The following DUSP16 variants were observed in gnomAD, a reference collection of about 807,000 sequenced individuals.
DUSP16 encodes the protein dual specificity protein phosphatase 16.
In DUSP16, 21 loss-of-function variants were observed where a neutral mutation model predicts 58.3. The observed-to-expected ratio is 0.36, with a 90% CI of 0.26 to 0.52. DUSP16 has a LOEUF of 0.52. Ranked by LOEUF, DUSP16 falls within the 20% of genes least tolerant of loss-of-function variation. DUSP16 has a pLI of 0.94. For synonymous variants in DUSP16, 320 were observed against 323.8 expected, an observed-to-expected ratio of 0.99 and a Z score of 0.12; for missense variants, 726 against 819.0, an observed-to-expected ratio of 0.89 and a Z score of 1.39.
intron 1 of DUSP16, among the ~76,000 whole-genome samples, chr12:12,545,026 C>A (rs1013263480): frequency 1.1e-4 from 16 of 152,142 alleles, no homozygotes; most frequent in African/African-American, 3.6e-4. Flanking sequence ...AATCCTACAA[C>A]TTTGTTCTTC....
intron 1 of DUSP16, among the ~76,000 whole-genome samples, chr12:12,556,496 G>GA (rs1944807965): frequency 6.6e-6 from 1 of 151,974 alleles, no homozygotes; most frequent in African/African-American, 2.4e-5. Flanking sequence ...GACTGCTTGA[G>GA]CCCAGGAGTT....
chr12:12,501,351 G>C (rs1018405254), intron 3 of DUSP16, among the ~76,000 whole-genome samples: 3 of 152,276 alleles, frequency 2.0e-5, no homozygotes, highest in Middle Eastern at 3.4e-3. Flanking sequence ...GTGCAGGAAG[G>C]CTTTGTGGCA....
chr12:12,514,498 C>T (rs866643949), intron 3 of DUSP16, among the ~76,000 whole-genome samples: 2 of 152,256 alleles, frequency 1.3e-5, no homozygotes, highest in Non-Finnish European at 1.5e-5. Flanking sequence ...AGCAGTAACA[C>T]GAAAGATATT....
At chr12:12,491,676 T>C (rs1221185044) in intron 4 of DUSP16, 1 of 152,204 alleles carries the variant, frequency 6.6e-6, no homozygotes, top group Non-Finnish European at 1.5e-5. Flanking sequence ...AGATAATCCT[T>C]CTTCACTGGC....
chr12:12,501,128 A>C (rs1943903089), intron 3 of DUSP16, among the ~76,000 whole-genome samples: 1 of 152,210 alleles, frequency 6.6e-6, no homozygotes, highest in East Asian at 1.9e-4. Flanking sequence ...CGAGTCAAAA[A>C]TTCTTTCTAC....
In DUSP16 at chr12:12,476,671, TAA is replaced by T. The variant is rs981777078; in HGVS notation, c.*160_*161del. ...TAGCTGATCTCTCAAATGCAGATGT[TAA>T]GAGAGTAACAACTGGGTTGATCCAC... On this transcript the variant is annotated 3_prime_UTR_variant, in exon 7 of 7. Transcript: ENST00000298573. 4 of 611,440 alleles carry T rather than the reference TAA, an allele frequency of 6.5e-6. No homozygotes were observed. The highest frequency in any genetic ancestry group is 2.9e-5 in the East Asian group (1 of 34,684). 37.9% of individuals were successfully genotyped at this position (611,440 alleles called of 1,614,324 possible).
rs116437308 is a variant in DUSP16 at position 12,544,782 on chromosome 12, C to T, written c.-366+17335G>A. ...CTTTCGCATTGAGATCTACAATTAG[C>T]CTATAATTTATTTTTGTAAGTGATG... On this transcript the variant is annotated intron_variant, in intron 1 of 6. Coordinates refer to ENST00000298573, the MANE Select transcript of DUSP16 (RefSeq NM_030640.3). 8.9e-3 allele frequency among the ~76,000 whole-genome samples: 1,350 copies of T among 152,170 alleles called. 9 individuals carry two copies. The highest frequency in any genetic ancestry group is 0.023 in the South Asian group (113 of 4,816).
At chr12:12,546,413 A>G (rs1247978316) in intron 1 of DUSP16, among the ~76,000 whole-genome samples, 1 of 152,224 alleles carries the variant, frequency 6.6e-6, no homozygotes, top group Non-Finnish European at 1.5e-5. Flanking sequence ...TTACTGTATA[A>G]CCAAAGTTAA....
At chr12:12,540,817 T>C (rs1242455520) in intron 1 of DUSP16, among the ~76,000 whole-genome samples, 1 of 152,124 alleles carries the variant, frequency 6.6e-6, no homozygotes, top group Middle Eastern at 3.2e-3. Context: ...AGCAAACTTC[T>C]ACTAATTCTG....
chr12:12,535,230 CA>C (rs1215817727), intron 1 of DUSP16, among the ~76,000 whole-genome samples: 1 of 152,154 alleles, frequency 6.6e-6, no homozygotes, highest in East Asian at 1.9e-4. Context: ...CCTCAGCTCC[CA>C]GTAACGCTGT....
intron 3 of DUSP16, among the ~76,000 whole-genome samples, chr12:12,518,767 G>C (rs1275949774): frequency 6.6e-6 from 1 of 152,134 alleles, no homozygotes; most frequent in South Asian, 2.1e-4. Flanking sequence ...AGACAAGCTG[G>C]CTTCACTTAA....
chr12:12,523,892 G>A (rs1251677442), intron 1 of DUSP16, among the ~76,000 whole-genome samples: 1 of 152,122 alleles, frequency 6.6e-6, no homozygotes, highest in African/African-American at 2.4e-5. Context: ...TGTCCATGAG[G>A]GTACCCAGGT....
intron 3 of DUSP16, among the ~76,000 whole-genome samples, chr12:12,519,040 C>G (rs1303392296): frequency 6.6e-6 from 1 of 152,192 alleles, no homozygotes; most frequent in Non-Finnish European, 1.5e-5. Flanking sequence ...TGAATCCGCC[C>G]AACACAGCAG....
intron 3 of DUSP16, among the ~76,000 whole-genome samples, chr12:12,514,350 G>A (rs952308599): frequency 6.6e-6 from 1 of 152,210 alleles, no homozygotes; most frequent in African/African-American, 2.4e-5. Flanking sequence ...ATGGCACTGA[G>A]TTGATCAGAA....
At chr12:12,555,104 A>G (rs1423942537) in intron 1 of DUSP16, among the ~76,000 whole-genome samples, 1 of 152,240 alleles carries the variant, frequency 6.6e-6, no homozygotes, top group Non-Finnish European at 1.5e-5. Flanking sequence ...CTGAGAAGTG[A>G]TCCAAAGAGC....
intron 3 of DUSP16, among the ~76,000 whole-genome samples, chr12:12,501,156 C>G (rs1044960442): frequency 2.0e-5 from 3 of 152,286 alleles, no homozygotes; most frequent in Non-Finnish European, 4.4e-5. Flanking sequence ...TTTAAATCTT[C>G]TTACCATACA....
Position 12,475,181 on chromosome 12 carries a change from A to C in DUSP16, c.*1652T>G, listed in dbSNP as rs1310967785. ...AGAAAAACCTGAGATACGAGGCAGCAACTAGCGACACTTACAGGAAGGGAA... is the reference window on the plus strand; with the variant it reads ...AGAAAAACCTGAGATACGAGGCAGCCACTAGCGACACTTACAGGAAGGGAA... On this transcript the variant is annotated 3_prime_UTR_variant, in exon 7 of 7. Coordinates refer to ENST00000298573, the MANE Select transcript of DUSP16 (RefSeq NM_030640.3). 6.6e-6 allele frequency: 1 copy of C among 152,208 alleles called. No individual in the cohort carries two copies. The highest frequency in any genetic ancestry group is 2.4e-5 in the African/African-American group (1 of 41,434). 9.4% of individuals were successfully genotyped at this position (152,208 alleles called of 1,614,324 possible). A position where few individuals can be genotyped will look rare whatever the true frequency, so the allele number is the denominator to read the frequency against.
intron 1 of DUSP16, among the ~76,000 whole-genome samples, chr12:12,525,118 A>C (rs550659782): frequency 6.6e-6 from 1 of 152,336 alleles, no homozygotes; most frequent in East Asian, 1.9e-4. Context: ...AAATGGTTAC[A>C]AAGTATAGAC....
At chr12:12,524,180 C>T (rs1944271911) in intron 1 of DUSP16, among the ~76,000 whole-genome samples, 1 of 152,126 alleles carries the variant, frequency 6.6e-6, no homozygotes, top group South Asian at 2.1e-4. Context: ...TCATTCTTGC[C>T]CAGAGAATCA....
Sources: gnomAD v4.1 joint callset for allele counts (sites outside exome capture counted in the v4.1 genomes callset) on GRCh38, gnomAD v4.1.1 for gene constraint, MANE v1.5 for transcripts, NCBI Gene and HGNC (gene_info 2026-07-23, HGNC 2026-07-21) for gene names.